The following GPR155 variants were observed in gnomAD, a reference collection of about 807,000 sequenced individuals.
GPR155 encodes lysosomal cholesterol signaling protein.
Under a neutral mutation model 93.1 loss-of-function variants are expected in GPR155, and 65 were observed. That is an observed-to-expected ratio of 0.70 (90% CI 0.57 to 0.86). The LOEUF (loss-of-function observed/expected upper bound fraction) is 0.86, where lower values mean the gene tolerates loss of function less well. Among genes scored for constraint, GPR155 ranks in the 40% least tolerant of loss-of-function variants. GPR155 has a pLI of 0.00. For synonymous variants in GPR155, 319 were observed against 360.1 expected (o/e 0.89, Z 1.29); for missense variants, 838 against 1,034.8 (o/e 0.81, Z 2.61).
chr2:174,460,032 G>A lies in GPR155; in HGVS notation c.1617C>T (p.Leu539=). The change falls in exon 10 of 16, where the codon CTC becomes CTT. Residue 539 remains leucine, a synonymous_variant. Transcript: ENST00000392552. The part of the protein sequence containing the change: ...FCSILIAGIS[L]MCMNQTAQAG... The stretch of plus-strand genomic sequence containing the variant: ...CTTGGGCAGTCTGGTTCATGCACAT[G>A]AGGGATATGCCAGCTATCAGGATGC... The A allele has an allele frequency of 1.2e-6, 2 of 1,613,866 alleles. No homozygotes were observed. Among genetic ancestry groups the A allele is most frequent in the Non-Finnish European group, 8.5e-7 (1 of 1,179,970 alleles).
chr2:174,459,364 G>A (rs188101308), intron 10 of GPR155, among the ~76,000 whole-genome samples: 3 of 152,144 alleles, frequency 2.0e-5, no homozygotes, highest in Admixed American at 6.5e-5. Flanking sequence ...GAAGTTTTAG[G>A]ATTTAACAAA....
chr2:174,485,586 G>T (rs1402069856), intron 1 of GPR155, among the ~76,000 whole-genome samples: 1 of 141,668 alleles, frequency 7.1e-6, no homozygotes, highest in Non-Finnish European at 1.5e-5. Flanking sequence ...AACAGAGCAA[G>T]ACTCCGTCTC....
chr2:174,438,906 G>A (rs6708908), intron 15 of GPR155, among the ~76,000 whole-genome samples: 40,649 of 152,152 alleles, frequency 0.27, 6,198 homozygotes, highest in Middle Eastern at 0.54. Context: ...ATAGTTTACT[G>A]TTGCCAGAAA....
At position 174,433,322 on chromosome 2, in the gene GPR155, C is replaced by T. The variant is rs1221588222; in HGVS notation, c.*2794G>A. On this transcript the variant is annotated 3_prime_UTR_variant, in exon 16 of 16. Coordinates refer to ENST00000392552, the MANE Select transcript of GPR155 (RefSeq NM_152529.7). ...GCTATGGTCTAAATGTCTGTGTCCT[C>T]CTAGAATTCTTATGTTGAAACCTAA... 1 of 152,092 alleles carries T rather than the reference C, an allele frequency of 6.6e-6. No homozygotes were observed. Among genetic ancestry groups the T allele is most frequent in the Non-Finnish European group, 1.5e-5 (1 of 68,022 alleles). The allele number at this position is 152,092 out of a possible 1,614,324, so 9.4% of individuals were successfully genotyped here.
intron 8 of GPR155, 38 bp from the exon 9 acceptor site, chr2:174,461,530 G>T (rs72910819): frequency 0.24 from 370,253 of 1,564,536 alleles, 47,613 homozygotes; most frequent in African/African-American, 0.4. Flanking sequence ...AAAAAGAAAG[G>T]ATGAATAGTA....
At chr2:174,476,622 C>T (rs911668271) in intron 2 of GPR155, among the ~76,000 whole-genome samples, 5 of 150,724 alleles carry the variant, frequency 3.3e-5, no homozygotes, top group African/African-American at 1.2e-4. Context: ...AAAAACAAAA[C>T]AAAAAAAAAC....
chr2:174,485,314 G>A (rs1574746780), intron 1 of GPR155, among the ~76,000 whole-genome samples: 1 of 151,980 alleles, frequency 6.6e-6, no homozygotes, highest in Non-Finnish European at 1.5e-5. Context: ...ACAAAAAAAA[G>A]GGCCGGGCGC....
intron 1 of GPR155, among the ~76,000 whole-genome samples, chr2:174,484,487 G>A (rs1359729620): frequency 6.6e-6 from 1 of 152,136 alleles, no homozygotes; most frequent in African/African-American, 2.4e-5. Context: ...GCATGTCAAG[G>A]CATTCCAATA....
Position 174,473,194 on chromosome 2 carries a change from G to C in GPR155, c.631C>G (p.Leu211Val). Residue 211 changes from leucine (L) to valine (V), a missense_variant, in exon 3 of 16, where the codon CTC becomes GTC. Leu to Val is a conservative substitution (Grantham distance 32, BLOSUM62 1). This residue lies in a region of GPR155 where 663 missense variants were observed against 790.1 expected (regional missense o/e 0.84). Coordinates refer to ENST00000392552, the MANE Select transcript of GPR155 (RefSeq NM_152529.7). Reference sequence around the variant, plus strand: ...ATTGGGTTCTGTAATACACGCAGGAGTCCGAGTCCCACAATTTTTATTTTA... The same window carrying C: ...ATTGGGTTCTGTAATACACGCAGGACTCCGAGTCCCACAATTTTTATTTTA... ...QNKIKIVGLG[L>V]LRVLQNPIVF... The C allele has an allele frequency of 6.2e-7, 1 of 1,613,328 alleles. No homozygotes were observed. Among genetic ancestry groups the C allele is most frequent in the Non-Finnish European group, 8.5e-7 (1 of 1,179,462 alleles).
intron 10 of GPR155, among the ~76,000 whole-genome samples, chr2:174,454,685 G>C (rs1209895002): frequency 6.8e-6 from 1 of 147,012 alleles, no homozygotes; most frequent in African/African-American, 2.5e-5. Flanking sequence ...AGGGAGGGAG[G>C]GAAGGAAGGG....
In GPR155 at chr2:174,471,511, T is replaced by G. The variant is rs1013900819; in HGVS notation, c.861-956A>C. Among the ~76,000 whole-genome samples, 4 of 143,710 alleles carry G rather than the reference T, an allele frequency of 2.8e-5. 1 individual carries two copies. The Admixed American group carries it at 2.8e-4, about 10-fold the overall frequency. 94.3% of individuals were successfully genotyped at this position (143,710 alleles called of 152,430 possible). ...AAATTAGCAAAGGAACTAAAACAACTGAGATGGAGCAGAAAACTAGTGAAA... is the reference window on the plus strand; with the variant it reads ...AAATTAGCAAAGGAACTAAAACAACGGAGATGGAGCAGAAAACTAGTGAAA... On this transcript the variant is annotated intron_variant, in intron 3 of 15. Transcript: ENST00000392552.
At chr2:174,454,294 G>T (rs986196448) in intron 10 of GPR155, among the ~76,000 whole-genome samples, 2 of 152,050 alleles carry the variant, frequency 1.3e-5, no homozygotes, top group African/African-American at 4.8e-5. Flanking sequence ...CTGCCACCAG[G>T]CCCAGCTAAT....
Position 174,468,938 on chromosome 2 carries a change from T to C in GPR155, c.1156A>G (p.Ile386Val), listed in dbSNP as rs1294516829. ...AAGGAGATCAGGCTGACAATACTTA[T>C]ATCAAAACTAACATTCTGGATGGCA... ...AYAIQNVSFD[I>V]SIVSLISLIW... is the part of the protein sequence containing the mutation. Residue 386 changes from isoleucine to valine, a missense_variant, in exon 5 of 16, where the codon ATA becomes GTA. Around this residue, in one of 3 missense-constraint regions of GPR155, gnomAD observed 663 missense variants for 790.1 expected, o/e 0.84. Coordinates refer to ENST00000392552, the MANE Select transcript of GPR155 (RefSeq NM_152529.7). 6 of 1,614,008 alleles carry C rather than the reference T, an allele frequency of 3.7e-6. No individual in the cohort carries two copies. The highest frequency in any genetic ancestry group is 4.5e-5 in the East Asian group (2 of 44,872).
chr2:174,445,209 T>C (rs1272080532), intron 12 of GPR155, 33 bp from the exon 13 acceptor site: 2 of 1,072,676 alleles, frequency 1.9e-6, no homozygotes, highest in Non-Finnish European at 2.9e-6. Flanking sequence ...TATTTTAAAA[T>C]CAAGCAAGCT....
At chr2:174,444,864 A>G (rs1687070591) in intron 13 of GPR155, among the ~76,000 whole-genome samples, 1 of 152,152 alleles carries the variant, frequency 6.6e-6, no homozygotes, top group Non-Finnish European at 1.5e-5. Flanking sequence ...CACTCAGCGT[A>G]CATTCTGATG....
At chr2:174,456,422 A>G (rs771080372) in intron 10 of GPR155, among the ~76,000 whole-genome samples, 1 of 151,554 alleles carries the variant, frequency 6.6e-6, no homozygotes, top group Non-Finnish European at 1.5e-5. Context: ...CTCCCACCTC[A>G]GCCTCCTGAG....
Position 174,435,770 on chromosome 2 carries a change from G to A in GPR155, c.*346C>T, listed in dbSNP as rs185202630. The A allele has an allele frequency of 4.9e-3, 895 of 181,004 alleles. 10 individuals are homozygous for A. Among genetic ancestry groups the A allele is most frequent in the African/African-American group, 0.02 (859 of 42,244 alleles). 11.2% of individuals were successfully genotyped at this position (181,004 alleles called of 1,614,324 possible). On this transcript the variant is annotated 3_prime_UTR_variant, in exon 16 of 16. Transcript: ENST00000392552. ...ATTACAGGCGTGAGCCACCATGCCCGGCCTACACCATTTTATATAAGGGAC... is the reference window on the plus strand; with the variant it reads ...ATTACAGGCGTGAGCCACCATGCCCAGCCTACACCATTTTATATAAGGGAC...
chr2:174,482,380 T>G (rs1235471891), intron 1 of GPR155, among the ~76,000 whole-genome samples: 2 of 152,164 alleles, frequency 1.3e-5, no homozygotes, highest in Non-Finnish European at 2.9e-5. Flanking sequence ...CGGGCACACA[T>G]AGTCTCCGCT....
intron 10 of GPR155, 52 bp downstream of exon 10, chr2:174,459,826 T>C (rs532109360): frequency 1.1e-5 from 15 of 1,361,432 alleles, no homozygotes; most frequent in South Asian, 6.1e-5. Flanking sequence ...GCCGGGATGA[T>C]AGAGCAAGAT....
Sources: allele counts gnomAD v4.1 joint callset (sites outside exome capture counted in the v4.1 genomes callset), GRCh38; gene constraint gnomAD v4.1.1; regional missense constraint gnomAD v4.1.1; transcripts MANE v1.5; gene names NCBI Gene and HGNC (gene_info 2026-07-23, HGNC 2026-07-21).